MINAR1: variants seen among roughly 807,000 people sequenced by gnomAD.
MINAR1 encodes the protein membrane integral NOTCH2 associated receptor 1.
MINAR1 carries 40 observed loss-of-function variants against 65.1 expected under a neutral mutation model. The observed-to-expected ratio is 0.61, with a 90% CI of 0.48 to 0.80. The LOEUF (loss-of-function observed/expected upper bound fraction) is 0.80. MINAR1 is among the 30% of genes least tolerant of loss of function. The pLI is 0.00. For missense variants in MINAR1, 1,128 were observed against 1,148.0 expected (o/e 0.98, Z 0.25); for synonymous variants, 482 against 449.1 (o/e 1.07, Z -0.93).
rs553898847 is a variant in MINAR1, at chr15:79,463,118, A to C, written c.2350A>C (p.Lys784Gln). The change falls in exon 3 of 4, where the codon AAA becomes CAA. Residue 784 changes from lysine to glutamine, a missense_variant. Physicochemically the swap from Lys to Gln is moderately conservative, Grantham distance 53. Transcript: ENST00000305428. The part of the protein sequence containing the change: ...PPQHRLPKQP[K>Q]DGFLVEQVFS... Reference sequence around the variant, plus strand: ...ACAGCACCGACTGCCCAAGCAGCCCAAAGATGGCTTCCTGGTGGAGCAGGT... The same window carrying C: ...ACAGCACCGACTGCCCAAGCAGCCCCAAGATGGCTTCCTGGTGGAGCAGGT... 1 of 1,614,184 alleles carries C rather than the reference A, an allele frequency of 6.2e-7. No individual in the cohort carries two copies. Among genetic ancestry groups the C allele is most frequent in the African/African-American group, 1.3e-5 (1 of 75,054 alleles).
At chr15:79,447,015 T>C (rs1250330524) in intron 1 of MINAR1, among the ~76,000 whole-genome samples, 1 of 152,096 alleles carries the variant, frequency 6.6e-6, no homozygotes, top group Non-Finnish European at 1.5e-5. Context: ...GCCTCCCGAG[T>C]AGCTGGGATT....
At chr15:79,426,595 T>C in the MINAR1 span, 2 of 152,238 alleles carry the variant, frequency 1.3e-5, no homozygotes. Flanking sequence ...GAGAGTAGAA[T>C]TCAGTGGAGC....
At chr15:79,453,977 A>G (rs1297622182) in intron 1 of MINAR1, among the ~76,000 whole-genome samples, 2 of 152,158 alleles carry the variant, frequency 1.3e-5, no homozygotes, top group Admixed American at 6.5e-5. Flanking sequence ...AAACGATAAA[A>G]TATATGCATG....
chr15:79,445,240 A>G (rs576120612), intron 1 of MINAR1, among the ~76,000 whole-genome samples: 1 of 152,266 alleles, frequency 6.6e-6, no homozygotes, highest in East Asian at 1.9e-4. Flanking sequence ...GCAAGGGACT[A>G]TTACATAAAA....
rs1895986678 is a variant in MINAR1 at position 79,469,281 on chromosome 15, C to T, written c.*897C>T. ...CATACATGAGTTGAAGAGTTTGGAA[C>T]TTGTCCTTGTGCCTTGAAGAGTAGA... is the stretch of plus-strand genomic sequence containing the variant. On this transcript the variant is annotated 3_prime_UTR_variant, in exon 4 of 4. Transcript: ENST00000305428. 6.6e-6 allele frequency: 1 copy of T among 152,644 alleles called. No individual in the cohort carries two copies. Among genetic ancestry groups the T allele is most frequent in the East Asian group, 1.9e-4 (1 of 5,196 alleles). 9.5% of individuals were successfully genotyped at this position (152,644 alleles called of 1,614,324 possible).
intron 3 of MINAR1, among the ~76,000 whole-genome samples, chr15:79,465,964 C>T (rs887365970): frequency 2.6e-5 from 4 of 152,092 alleles, no homozygotes; most frequent in Non-Finnish European, 4.4e-5. Flanking sequence ...GAGGAAGAGG[C>T]GGTCCAACAG....
chr15:79,442,342 C>G (rs1391205999), intron 1 of MINAR1, among the ~76,000 whole-genome samples: 2 of 151,902 alleles, frequency 1.3e-5, no homozygotes, highest in Admixed American at 1.3e-4. Context: ...ATTGAATAAA[C>G]CATTATTTTC....
chr15:79,455,497 G>C (rs1331891282), intron 1 of MINAR1, among the ~76,000 whole-genome samples: 9 of 152,120 alleles, frequency 5.9e-5, no homozygotes, highest in Admixed American at 5.9e-4. Flanking sequence ...CCACAACCAG[G>C]ATGTAGAACA....
chr15:79,463,342 G>T (rs754708017), intron 3 of MINAR1, 21 bp downstream of exon 3: 2 of 1,605,074 alleles, frequency 1.2e-6, no homozygotes, highest in Non-Finnish European at 1.7e-6. Context: ...CACTGTCCCT[G>T]GGTGGGGGAA....
chr15:79,452,574 A>G (rs1475558235), intron 1 of MINAR1, among the ~76,000 whole-genome samples: 2 of 120,138 alleles, frequency 1.7e-5, no homozygotes, highest in African/African-American at 3.3e-5. Flanking sequence ...GTGTGAGTGT[A>G]TGGGTGAGTC....
At position 79,457,715 on chromosome 15, in the gene MINAR1, G is replaced by C; in HGVS notation, c.1568G>C (p.Arg523Pro). 6.2e-7 allele frequency: 1 copy of C among 1,614,192 alleles called. No individual in the cohort carries two copies. The highest frequency in any genetic ancestry group is 1.7e-5 in the Admixed American group (1 of 60,012). The change falls in exon 2 of 4, where the codon CGA becomes CCA. Residue 523 changes from arginine to proline, a missense_variant. Arg to Pro is a moderately radical substitution (Grantham distance 103). Coordinates refer to ENST00000305428, the MANE Select transcript of MINAR1 (RefSeq NM_015206.3). ...AGCGACGACATCAGTGACATTTTCC[G>C]ATTTCTTGATGACATGAGCATCAGT... ...IVSDDISDIFRFLDDMSISGS... is the reference protein window; with the variant it reads ...IVSDDISDIFPFLDDMSISGS...
the MINAR1 span, chr15:79,419,080 A>T: frequency 6.6e-6 from 1 of 152,248 alleles, no homozygotes; most frequent in African/African-American, 2.4e-5. Flanking sequence ...GACTTCAGAT[A>T]TAATGTGATG....
upstream of MINAR1, among the ~76,000 whole-genome samples, chr15:79,428,535 T>G (rs529435772): frequency 7.0e-4 from 100 of 142,986 alleles, no homozygotes; most frequent in African/African-American, 2.4e-3. Context: ...CTTTTCTTCC[T>G]TCCTTTTGTT....
At chr15:79,452,741 T>G (rs3929863) in intron 1 of MINAR1, among the ~76,000 whole-genome samples, 18 of 89,800 alleles carry the variant, frequency 2.0e-4, no homozygotes, top group Admixed American at 5.0e-4. Context: ...TGTGGGTGTG[T>G]GGGGGGGGTG....
At chr15:79,460,249 C>T (rs1431337478) in intron 2 of MINAR1, among the ~76,000 whole-genome samples, 2 of 152,196 alleles carry the variant, frequency 1.3e-5, no homozygotes, top group Non-Finnish European at 2.9e-5. Flanking sequence ...TGACCAGACC[C>T]GGCCCACCTT....
rs768284783 is a variant in MINAR1, at chr15:79,457,587, C to T, written c.1440C>T (p.His480=). The change falls in exon 2 of 4, where the codon CAC becomes CAT. Residue 480 remains histidine, a synonymous_variant. Coordinates refer to ENST00000305428, the MANE Select transcript of MINAR1 (RefSeq NM_015206.3). The part of the protein sequence containing the change: ...DTSSVGTQTE[H]VLEPKKCRDL... ...GTAGCGTGGGCACCCAGACTGAGCA[C>T]GTGCTGGAGCCCAAGAAATGCAGAG... 7.4e-6 allele frequency: 12 copies of T among 1,614,032 alleles called. No individual in the cohort carries two copies. The highest frequency in any genetic ancestry group is 5.5e-5 in the South Asian group (5 of 91,084).
At chr15:79,465,340 C>T (rs1481256896) in intron 3 of MINAR1, among the ~76,000 whole-genome samples, 1 of 152,082 alleles carries the variant, frequency 6.6e-6, no homozygotes, top group African/African-American at 2.4e-5. Context: ...CCCGGAGTTC[C>T]TTTGTGTTGA....
chr15:79,452,818 T>C (rs1895278000), intron 1 of MINAR1, among the ~76,000 whole-genome samples: 1 of 149,962 alleles, frequency 6.7e-6, no homozygotes, highest in African/African-American at 2.5e-5. Flanking sequence ...TCTGTGGGTG[T>C]GAAGCTGTCA....
Position 79,468,374 on chromosome 15 carries a change from T to C in MINAR1, c.2741T>C (p.Met914Thr). 1 of 1,613,844 alleles carries C rather than the reference T, an allele frequency of 6.2e-7. No individual in the cohort carries two copies. The highest frequency in any genetic ancestry group is 1.3e-5 in the African/African-American group (1 of 75,040). Residue 914 changes from methionine to threonine, a missense_variant, in exon 4 of 4, where the codon ATG becomes ACG. Physicochemically the swap from Met to Thr is moderately conservative, Grantham distance 81. Coordinates refer to ENST00000305428, the MANE Select transcript of MINAR1 (RefSeq NM_015206.3). ...ILVIVVPICT[M>T]KS is the part of the protein sequence containing the mutation. The stretch of plus-strand genomic sequence containing the variant: ...GTTATTGTCGTGCCCATCTGCACAA[T>C]GAAATCATGAGCTAAGAATGCAACC...
Sources: allele counts gnomAD v4.1 joint callset (sites outside exome capture counted in the v4.1 genomes callset), GRCh38; gene constraint gnomAD v4.1.1; transcripts MANE v1.5; gene names NCBI Gene and HGNC (gene_info 2026-07-23, HGNC 2026-07-21).